Variants in IDH3A observed in about 807,000 individuals in gnomAD.
IDH3A encodes isocitrate dehydrogenase [NAD] subunit alpha, mitochondrial.
In IDH3A, 23 loss-of-function variants were observed where a neutral mutation model predicts 43.3. That is an observed-to-expected ratio of 0.53 (90% confidence interval 0.38 to 0.75). The LOEUF is 0.75. Among genes scored for constraint, IDH3A ranks in the 30% least tolerant of loss-of-function variants. The probability of loss-of-function intolerance (pLI) is 0.00; values close to 1 mark genes in which losing one functional copy is unlikely to be tolerated. For synonymous variants in IDH3A, 154 were observed against 163.5 expected (o/e 0.94, Z 0.44); for missense variants, 329 against 474.4 (o/e 0.69, Z 2.85).
At chr15:78,166,594 G>A (rs902181206) in intron 10 of IDH3A, 20 of 349,252 alleles carry the variant, frequency 5.7e-5, no homozygotes, top group South Asian at 3.2e-5. Flanking sequence ...TCAGGTGCAC[G>A]CCCAATTATC....
chr15:78,166,651 A>G (rs2074746425), intron 10 of IDH3A, among the ~76,000 whole-genome samples: 1 of 152,170 alleles, frequency 6.6e-6, no homozygotes, highest in Non-Finnish European at 1.5e-5. Context: ...ATTTTTTTTG[A>G]GACAGAGTCT....
intron 1 of IDH3A, 25 bp downstream of exon 1, chr15:78,149,455 G>A (rs1468803049): frequency 1.3e-6 from 2 of 1,516,434 alleles, no homozygotes; most frequent in Non-Finnish European, 1.8e-6. Context: ...GCCGGCGTGT[G>A]GCAGGCAGGC....
At chr15:78,165,413 ACTC>A (rs1249086691) in intron 9 of IDH3A, among the ~76,000 whole-genome samples, 1 of 149,358 alleles carries the variant, frequency 6.7e-6, no homozygotes, top group Non-Finnish European at 1.5e-5. Context: ...CTGTTCTTGA[ACTC>A]CTGATCTCAG....
rs1451847265 is a variant in IDH3A at position 78,161,657 on chromosome 15, G to A, written c.366G>A (p.Ala122=). The change falls in exon 5 of 11, where the codon GCG becomes GCA. Residue 122 remains alanine, a synonymous_variant. Transcript: ENST00000299518. This position sits in a 1 kb window ranked among gnomAD's most constrained non-coding sequence, Gnocchi z 4.8. Reference sequence around the variant, plus strand: ...TGCGCAAAACATTTGACCTTTACGCGAATGTCCGACCATGTGTCTCTATCG... The same window carrying A: ...TGCGCAAAACATTTGACCTTTACGCAAATGTCCGACCATGTGTCTCTATCG... ...LLLRKTFDLY[A]NVRPCVSIEG... The A allele has an allele frequency of 4.3e-6, 7 of 1,614,114 alleles. No individual in the cohort carries two copies. Among genetic ancestry groups the A allele is most frequent in the East Asian group, 2.2e-5 (1 of 44,886 alleles).
intron 1 of IDH3A, among the ~76,000 whole-genome samples, chr15:78,154,970 AT>A (rs1324931812): frequency 6.6e-6 from 1 of 152,220 alleles, no homozygotes; most frequent in Admixed American, 6.5e-5. Flanking sequence ...GACAACTTAT[AT>A]TCGTTAAATT....
rs528278653 is a variant in IDH3A, at chr15:78,155,278, G to A, written c.90+3G>A. On this transcript the variant is annotated splice_donor_region_variant and intron_variant, in intron 2 of 10. Coordinates refer to ENST00000299518, the MANE Select transcript of IDH3A (RefSeq NM_005530.3). Reference sequence around the variant, plus strand: ...TGACCAGAGGTTTTACTGGTGGTGTGAGTATAATTATGTCTTTTATTTTTT... The same window carrying A: ...TGACCAGAGGTTTTACTGGTGGTGTAAGTATAATTATGTCTTTTATTTTTT... 21 of 1,605,844 alleles carry A rather than the reference G, an allele frequency of 1.3e-5. No individual in the cohort carries two copies. The highest frequency in any genetic ancestry group is 2.2e-5 in the East Asian group (1 of 44,800).
intron 1 of IDH3A, among the ~76,000 whole-genome samples, chr15:78,149,866 C>G (rs1244690208): frequency 6.6e-6 from 1 of 152,384 alleles, no homozygotes; most frequent in East Asian, 1.9e-4. Flanking sequence ...CACCTCTCAT[C>G]CGCTGTCTGC....
intron 1 of IDH3A, 108 bp downstream of exon 1, chr15:78,149,538 G>T (rs955365712): frequency 2.1e-6 from 2 of 950,554 alleles, no homozygotes; most frequent in Non-Finnish European, 3.0e-6. Context: ...ACAGGGAGGC[G>T]GTGGCTGCCC....
Position 78,171,598 on chromosome 15 carries a change from G to C in IDH3A, c.*2593G>C. 1.6e-6 allele frequency: 2 copies of C among 1,290,172 alleles called. No homozygotes were observed. The highest frequency in any genetic ancestry group is 2.3e-6 in the Non-Finnish European group (2 of 888,884). 79.9% of individuals were successfully genotyped at this position (1,290,172 alleles called of 1,614,324 possible). A position where few individuals can be genotyped will look rare whatever the true frequency, so the allele number is the denominator to read the frequency against. On this transcript the variant is annotated 3_prime_UTR_variant, in exon 11 of 11. Coordinates refer to ENST00000299518, the MANE Select transcript of IDH3A (RefSeq NM_005530.3). ...GAACTCTGAGAATGTGTGTGGTAAAGACTCACACTCAGTCCTATATATAAC... is the reference window on the plus strand; with the variant it reads ...GAACTCTGAGAATGTGTGTGGTAAACACTCACACTCAGTCCTATATATAAC...
chr15:78,161,522 G>T lies in IDH3A; in HGVS notation c.290-59G>T. The T allele has an allele frequency of 2.8e-6, 4 of 1,423,042 alleles. No individual in the cohort carries two copies. Among genetic ancestry groups the T allele is most frequent in the Non-Finnish European group, 2.9e-6 (3 of 1,026,856 alleles). The allele number at this position is 1,423,042 out of a possible 1,614,324, so 88.2% of individuals were successfully genotyped here. ...ACAAGGTAGCCGAGGTGGGTTAGTA[G>T]GTCACACGTGAGACCAGAATTCCTT... On this transcript the variant is annotated intron_variant, in intron 4 of 10. Coordinates refer to ENST00000299518, the MANE Select transcript of IDH3A (RefSeq NM_005530.3). This position sits in a 1 kb window ranked among gnomAD's most constrained non-coding sequence, Gnocchi z 4.8.
Position 78,161,998 on chromosome 15 carries a change from G to A in IDH3A, c.477+230G>A, listed in dbSNP as rs552288620. On this transcript the variant is annotated intron_variant, in intron 5 of 10. Coordinates refer to ENST00000299518, the MANE Select transcript of IDH3A (RefSeq NM_005530.3). The surrounding 1 kb of genome is among the most constrained non-coding windows in gnomAD (Gnocchi z 4.8). Reference sequence around the variant, plus strand: ...CCCCACTTCACAGGTGCGCTCTTCCGCAGATGACTGTCTCTGCATCTCAGT... The same window carrying A: ...CCCCACTTCACAGGTGCGCTCTTCCACAGATGACTGTCTCTGCATCTCAGT... 1.3e-5 allele frequency among the ~76,000 whole-genome samples: 2 copies of A among 152,268 alleles called. No individual in the cohort carries two copies. The highest frequency in any genetic ancestry group is 2.1e-4 in the South Asian group (1 of 4,832).
intron 6 of IDH3A, among the ~76,000 whole-genome samples, chr15:78,163,304 T>C (rs2074703197): frequency 6.6e-6 from 1 of 152,246 alleles, no homozygotes; most frequent in South Asian, 2.1e-4. Context: ...TTTACATTTT[T>C]ACTCTTTTAT....
Position 78,161,932 on chromosome 15 carries a change from C to T in IDH3A, c.477+164C>T, listed in dbSNP as rs188537032. Among the ~76,000 whole-genome samples the T allele has an allele frequency of 1.2e-4, 18 of 152,062 alleles. No homozygotes were observed. The highest frequency in any genetic ancestry group is 6.2e-4 in the South Asian group (3 of 4,808). ...CAAACAAATGTAAGGCATGGTGGTT[C>T]GCGTCACAAGCTTGGGAATATGCCC... On this transcript the variant is annotated intron_variant, in intron 5 of 10. Coordinates refer to ENST00000299518, the MANE Select transcript of IDH3A (RefSeq NM_005530.3). This position sits in a 1 kb window ranked among gnomAD's most constrained non-coding sequence, Gnocchi z 4.8.
At position 78,161,911 on chromosome 15, in the gene IDH3A, C is replaced by G; in HGVS notation, c.477+143C>G. 3.9e-6 allele frequency: 3 copies of G among 762,012 alleles called. No homozygotes were observed. Among genetic ancestry groups the G allele is most frequent in the Non-Finnish European group, 6.5e-6 (3 of 460,246 alleles). 47.2% of individuals were successfully genotyped at this position (762,012 alleles called of 1,614,324 possible). ...GGGTGTCTGGCTGACAGTACTCAAACAAATGTAAGGCATGGTGGTTCGCGT... is the reference window on the plus strand; with the variant it reads ...GGGTGTCTGGCTGACAGTACTCAAAGAAATGTAAGGCATGGTGGTTCGCGT... On this transcript the variant is annotated intron_variant, in intron 5 of 10. Transcript: ENST00000299518. The surrounding 1 kb of genome is among the most constrained non-coding windows in gnomAD (Gnocchi z 4.8).
At chr15:78,157,458 A>C in intron 2 of IDH3A, 90 bp from the exon 3 acceptor site, 1 of 885,878 alleles carries the variant, frequency 1.1e-6, no homozygotes, top group East Asian at 2.6e-5. Context: ...GAGACATCTC[A>C]TAAAGTGGAT....
In IDH3A at chr15:78,155,245, A is replaced by G; in HGVS notation, c.60A>G (p.Pro20=). 3 of 1,612,904 alleles carry G rather than the reference A, an allele frequency of 1.9e-6. No homozygotes were observed. Among genetic ancestry groups the G allele is most frequent in the African/African-American group, 1.3e-5 (1 of 75,024 alleles). ...GGCTGCTGGGGGCATTCCACAACCC[A>G]AAACAGGTGACCAGAGGTTTTACTG... ...VSRLLGAFHN[P]KQVTRGFTGG... The change falls in exon 2 of 11, where the codon CCA becomes CCG. Residue 20 remains proline, a synonymous_variant. Coordinates refer to ENST00000299518, the MANE Select transcript of IDH3A (RefSeq NM_005530.3).
chr15:78,149,403 G>A lies in IDH3A; in HGVS notation c.-1G>A. The A allele has an allele frequency of 1.3e-6, 2 of 1,550,568 alleles. No homozygotes were observed. Among genetic ancestry groups the A allele is most frequent in the African/African-American group, 1.4e-5 (1 of 70,932 alleles). On this transcript the variant is annotated 5_prime_UTR_variant, in exon 1 of 11. Transcript: ENST00000299518. ...TTGCTGCGGAGCCAGGAGGGGAAGC[G>A]ATGGCTGGGCCCGCGTGGATCTCTA...
intron 8 of IDH3A, among the ~76,000 whole-genome samples, chr15:78,164,732 G>A (rs937527123): frequency 5.9e-5 from 9 of 152,130 alleles, no homozygotes; most frequent in African/African-American, 2.2e-4. Context: ...GTCCTAACTT[G>A]GCTGATGGGG....
chr15:78,154,905 A>C, intron 1 of IDH3A: 1 of 222,056 alleles, frequency 4.5e-6, no homozygotes, highest in South Asian at 1.5e-4. Flanking sequence ...TCTGAGAAGA[A>C]TCTGTATGTT....
Sources: gnomAD v4.1 joint callset for allele counts (sites outside exome capture counted in the v4.1 genomes callset) on GRCh38, gnomAD v4.1.1 for gene constraint, Gnocchi (gnomAD v3.1) non-coding constraint, MANE v1.5 for transcripts, NCBI Gene and HGNC (gene_info 2026-07-23, HGNC 2026-07-21) for gene names.